PHACTR3: variants seen among roughly 807,000 people sequenced by gnomAD.
The protein encoded by PHACTR3 is protein phosphatase 1, regulatory subunit 123.
Under a neutral mutation model 66.8 loss-of-function variants are expected in PHACTR3, and 16 were observed. The ratio of observed to expected loss-of-function variants is 0.24; its 90% CI spans 0.16 to 0.36. The LOEUF is 0.36. Ranked by LOEUF, PHACTR3 falls within the 10% of genes least tolerant of loss-of-function variation. The probability of loss-of-function intolerance (pLI) is 1.00; values close to 1 mark genes in which losing one functional copy is unlikely to be tolerated. For synonymous variants in PHACTR3, 323 were observed against 292.1 expected, an observed-to-expected ratio of 1.11 and a Z score of -1.08; for missense variants, 647 against 719.9, an observed-to-expected ratio of 0.90 and a Z score of 1.16.
chr20:59,706,761 A>G (rs1437457220), intron 1 of PHACTR3, among the ~76,000 whole-genome samples: 3 of 152,120 alleles, frequency 2.0e-5, no homozygotes, highest in African/African-American at 7.2e-5. Context: ...CAACCAGAGG[A>G]CCTTCTGTTT....
chr20:59,686,270 G>T lies in PHACTR3; in HGVS notation c.119-56837G>T, dbSNP rs142738644. ...GGCCTAACTGCCCACGTGTGGTCTT[G>T]GTCCCTAGTATTTATTAGCCAAGTG... On this transcript the variant is annotated intron_variant, in intron 1 of 12. Coordinates refer to ENST00000371015, the MANE Select transcript of PHACTR3 (RefSeq NM_080672.5). Among the ~76,000 whole-genome samples, 4 of 152,286 alleles carry T rather than the reference G, an allele frequency of 2.6e-5. No homozygotes were observed. The East Asian group carries it at 7.7e-4, about 29-fold the overall frequency.
chr20:59,799,838 T>C (rs1490374650), intron 7 of PHACTR3, among the ~76,000 whole-genome samples: 2 of 152,154 alleles, frequency 1.3e-5, no homozygotes, highest in Admixed American at 1.3e-4. Context: ...CGTCTGGCAA[T>C]TTATTTTCTA....
Position 59,767,391 on chromosome 20 carries a change from C to G in PHACTR3, c.747C>G (p.Val249=). The change falls in exon 5 of 13, where the codon GTC becomes GTG. Residue 249 remains valine (V), a synonymous_variant. Coordinates refer to ENST00000371015, the MANE Select transcript of PHACTR3 (RefSeq NM_080672.5). The part of the protein sequence containing the change: ...PKASSKTTKN[V]TGQATLFQAS... ...CAAGCTCCAAAACCACAAAAAATGT[C>G]ACAGGTGGGTCCACATGCATCCTGC... is the stretch of plus-strand genomic sequence containing the variant. The G allele has an allele frequency of 6.2e-7, 1 of 1,613,420 alleles. No homozygotes were observed. The highest frequency in any genetic ancestry group is 1.1e-5 in the South Asian group (1 of 91,028).
At chr20:59,681,131 G>A (rs913002675) in intron 1 of PHACTR3, among the ~76,000 whole-genome samples, 3 of 152,204 alleles carry the variant, frequency 2.0e-5, no homozygotes, top group Non-Finnish European at 4.4e-5. Flanking sequence ...TTCTCTGGCT[G>A]CTTTCCAGCA....
intron 1 of PHACTR3, among the ~76,000 whole-genome samples, chr20:59,593,069 A>G (rs1459688197): frequency 1.3e-5 from 2 of 152,358 alleles, no homozygotes; most frequent in East Asian, 3.9e-4. Flanking sequence ...GTAAGAAACC[A>G]CAAAGCTGTC....
At chr20:59,756,242 T>C (rs2039788120) in intron 4 of PHACTR3, among the ~76,000 whole-genome samples, 1 of 152,160 alleles carries the variant, frequency 6.6e-6, no homozygotes, top group Admixed American at 6.5e-5. Flanking sequence ...CACTGTTGAC[T>C]TGGAATCCTG....
chr20:59,847,355 G>C lies in PHACTR3; in HGVS notation c.*225G>C. 5 of 420,826 alleles carry C rather than the reference G, an allele frequency of 1.2e-5. No individual in the cohort carries two copies. Among genetic ancestry groups the C allele is most frequent in the Non-Finnish European group, 2.2e-5 (5 of 226,864 alleles). 26.1% of individuals were successfully genotyped at this position (420,826 alleles called of 1,614,324 possible). A position where few individuals can be genotyped will look rare whatever the true frequency, so the allele number is the denominator to read the frequency against. On this transcript the variant is annotated 3_prime_UTR_variant, in exon 13 of 13. Transcript: ENST00000371015. ...TGGTGTCTGAGGAGTGTGAACTGTT[G>C]GGGTCAGTTAAGACCCAACATAACT...
chr20:59,739,724 C>T (rs114911351), intron 1 of PHACTR3, among the ~76,000 whole-genome samples: 1 of 152,036 alleles, frequency 6.6e-6, no homozygotes, highest in Non-Finnish European at 1.5e-5. Flanking sequence ...GGTGGGGACA[C>T]AAAGCCTAAC....
intron 1 of PHACTR3, among the ~76,000 whole-genome samples, chr20:59,674,878 C>T (rs567177772): frequency 3.9e-5 from 4 of 103,356 alleles, no homozygotes; most frequent in African/African-American, 1.3e-4. Flanking sequence ...TCCTGTCCCC[C>T]GCTTCTCCTG....
At chr20:59,577,656 GC>G in intron 1 of PHACTR3, 2 of 1,169,998 alleles carry the variant, frequency 1.7e-6, no homozygotes, top group Non-Finnish European at 1.1e-6. Context: ...GGGACGTGGG[GC>G]CCGGGGTGCC....
intron 1 of PHACTR3, among the ~76,000 whole-genome samples, chr20:59,719,786 C>T (rs779467013): frequency 2.0e-5 from 3 of 152,140 alleles, no homozygotes; most frequent in Non-Finnish European, 4.4e-5. Context: ...ACTGGTGTGA[C>T]TGATGTTAAC....
chr20:59,743,262 A>T lies in PHACTR3; in HGVS notation c.274A>T (p.Thr92Ser). Residue 92 changes from threonine to serine, a missense_variant, in exon 2 of 13, where the codon ACG becomes TCG. Thr to Ser is a moderately conservative substitution (Grantham distance 58). Transcript: ENST00000371015. ...KKKNEKLKQTTSALEKKMAGR... is the reference protein window; with the variant it reads ...KKKNEKLKQTSSALEKKMAGR... ...GAAAAACGAAAAACTGAAGCAGACA[A>T]CGTCAGGTAAAGGCCTGGTGACAGG... 1 of 1,614,016 alleles carries T rather than the reference A, an allele frequency of 6.2e-7. No homozygotes were observed. The highest frequency in any genetic ancestry group is 8.5e-7 in the Non-Finnish European group (1 of 1,179,966).
chr20:59,600,298 A>G (rs1172509539), upstream of PHACTR3, among the ~76,000 whole-genome samples: 1 of 152,222 alleles, frequency 6.6e-6, no homozygotes, highest in East Asian at 1.9e-4. Flanking sequence ...TTTGATTCAT[A>G]TTAGTCAATC....
chr20:59,657,138 A>G (rs1325557970), intron 1 of PHACTR3, among the ~76,000 whole-genome samples: 2 of 151,972 alleles, frequency 1.3e-5, no homozygotes, highest in Non-Finnish European at 2.9e-5. Flanking sequence ...TTGTGGATTC[A>G]AGTTACTGTC....
chr20:59,833,218 T>A (rs1206959577), intron 8 of PHACTR3, among the ~76,000 whole-genome samples: 1 of 152,172 alleles, frequency 6.6e-6, no homozygotes, highest in African/African-American at 2.4e-5. Flanking sequence ...GGGTACCCTG[T>A]TGACATTCAG....
chr20:59,751,990 C>T (rs147154042), intron 3 of PHACTR3, among the ~76,000 whole-genome samples: 54 of 152,312 alleles, frequency 3.5e-4, no homozygotes, highest in African/African-American at 1.2e-3. Flanking sequence ...TCCCTGTATG[C>T]GTTGACTTGG....
intron 1 of PHACTR3, among the ~76,000 whole-genome samples, chr20:59,623,761 G>A (rs78684366): frequency 0.018 from 2,697 of 152,332 alleles, 103 homozygotes; most frequent in African/African-American, 0.061. Context: ...CACCGTGTGA[G>A]CATGGGCTGA....
At chr20:59,709,621 G>A (rs2037839613) in intron 1 of PHACTR3, among the ~76,000 whole-genome samples, 1 of 152,130 alleles carries the variant, frequency 6.6e-6, no homozygotes, top group Admixed American at 6.5e-5. Context: ...CTTCATCTTA[G>A]GAAGGGCAAT....
chr20:59,741,318 G>A (rs989496533), intron 1 of PHACTR3, among the ~76,000 whole-genome samples: 12 of 152,362 alleles, frequency 7.9e-5, no homozygotes, highest in Middle Eastern at 3.4e-3. Flanking sequence ...TTCGCAGGGC[G>A]AGGGGTCCTG....
Sources: gnomAD v4.1 joint callset for allele counts (sites outside exome capture counted in the v4.1 genomes callset) on GRCh38, gnomAD v4.1.1 for gene constraint, MANE v1.5 for transcripts, NCBI Gene and HGNC (gene_info 2026-07-23, HGNC 2026-07-21) for gene names.